The following LMNB1 variants were observed in gnomAD, a reference collection of about 807,000 sequenced individuals.
LMNB1 encodes the protein lamin-B1.
Under a neutral mutation model 67.1 loss-of-function variants are expected in LMNB1, and 23 were observed. The ratio of observed to expected loss-of-function variants is 0.34; its 90% CI spans 0.25 to 0.49. The LOEUF (loss-of-function observed/expected upper bound fraction) is 0.49. Among genes scored for constraint, LMNB1 ranks in the 20% least tolerant of loss-of-function variants. The pLI is 0.99. For synonymous variants in LMNB1, 281 were observed against 282.9 expected (o/e 0.99, Z 0.07); for missense variants, 634 against 746.5 (o/e 0.85, Z 1.76).
chr5:126,780,061 G>A (rs1324108594), intron 1 of LMNB1, among the ~76,000 whole-genome samples: 1 of 150,356 alleles, frequency 6.7e-6, no homozygotes, highest in Admixed American at 6.6e-5. Context: ...GCGTGGTGGC[G>A]GGCGTCTGTA....
At chr5:126,826,792 C>G (rs547003275) in intron 9 of LMNB1, among the ~76,000 whole-genome samples, 2 of 152,328 alleles carry the variant, frequency 1.3e-5, no homozygotes, top group South Asian at 4.1e-4. Flanking sequence ...ATCACCTTAT[C>G]CAGGTGCTGT....
chr5:126,794,901 G>T (rs1034704548), intron 1 of LMNB1, among the ~76,000 whole-genome samples: 3 of 152,110 alleles, frequency 2.0e-5, no homozygotes, highest in Admixed American at 6.5e-5. Flanking sequence ...TGAAATGTTA[G>T]GGATAGGTAC....
chr5:126,836,286 A>G lies in LMNB1; in HGVS notation c.*22A>G. ...GTAAAATTTTCAACTGTCTTCCTCA[A>G]AATAAAGAAGTATGGTAATCTTTAC... On this transcript the variant is annotated 3_prime_UTR_variant, in exon 11 of 11. Transcript: ENST00000261366. The G allele has an allele frequency of 6.4e-7, 1 of 1,556,018 alleles. No individual in the cohort carries two copies. The highest frequency in any genetic ancestry group is 1.1e-5 in the South Asian group (1 of 89,720).
In LMNB1 at chr5:126,777,873, T is replaced by C; in HGVS notation, c.359+6T>C. 1 of 1,389,746 alleles carries C rather than the reference T, an allele frequency of 7.2e-7. No homozygotes were observed. Among genetic ancestry groups the C allele is most frequent in the Non-Finnish European group, 9.3e-7 (1 of 1,072,436 alleles). 86.1% of individuals were successfully genotyped at this position (1,389,746 alleles called of 1,614,324 possible). A position where few individuals can be genotyped will look rare whatever the true frequency, so the allele number is the denominator to read the frequency against. ...CACGACCAGCTGCTCCTCAAGTGAG[T>C]GCTAGCTGGCGGCCGCGTTAGCGCC... is the stretch of plus-strand genomic sequence containing the variant. On this transcript the variant is annotated splice_donor_region_variant and intron_variant, in intron 1 of 10. Transcript: ENST00000261366.
chr5:126,828,598 A>G (rs932914564), intron 9 of LMNB1, among the ~76,000 whole-genome samples: 3 of 146,260 alleles, frequency 2.1e-5, no homozygotes, highest in African/African-American at 7.5e-5. Flanking sequence ...TTTTTTGGTG[A>G]AGGAGTTTCA....
intron 1 of LMNB1, among the ~76,000 whole-genome samples, chr5:126,778,189 C>T (rs1167283835): frequency 6.6e-6 from 1 of 152,038 alleles, no homozygotes; most frequent in Non-Finnish European, 1.5e-5. Context: ...TCCGGGGAGC[C>T]GGCGCGGAGA....
At chr5:126,806,186 C>T (rs1446868267) in intron 3 of LMNB1, among the ~76,000 whole-genome samples, 2 of 152,208 alleles carry the variant, frequency 1.3e-5, no homozygotes, top group South Asian at 2.1e-4. Context: ...ATCTCCTGAC[C>T]TCGTGATCCG....
intron 3 of LMNB1, 141 bp from the exon 4 acceptor site, chr5:126,810,039 A>C (rs1751545260): frequency 3.3e-6 from 2 of 608,150 alleles, no homozygotes; most frequent in African/African-American, 1.8e-5. Context: ...GAGGCAAAAA[A>C]GTGTTTATTC....
chr5:126,779,173 T>C (rs556293001), intron 1 of LMNB1, among the ~76,000 whole-genome samples: 1 of 152,206 alleles, frequency 6.6e-6, no homozygotes, highest in Non-Finnish European at 1.5e-5. Flanking sequence ...TTTTTACTTA[T>C]CCCTCCTATC....
At position 126,777,353 on chromosome 5, in the gene LMNB1, C is replaced by T. The variant is rs1750483183; in HGVS notation, c.-156C>T. 3 of 822,196 alleles carry T rather than the reference C, an allele frequency of 3.6e-6. No homozygotes were observed. The highest frequency in any genetic ancestry group is 4.9e-6 in the Non-Finnish European group (3 of 616,112). The allele number at this position is 822,196 out of a possible 1,614,324, so 50.9% of individuals were successfully genotyped here. A position where few individuals can be genotyped will look rare whatever the true frequency, so the allele number is the denominator to read the frequency against. On this transcript the variant is annotated 5_prime_UTR_variant, in exon 1 of 11. Coordinates refer to ENST00000261366, the MANE Select transcript of LMNB1 (RefSeq NM_005573.4). ...CTTTGTGCTGTAATCGAGCTCCCGC[C>T]ATCCCAGGTGCTTCTCCGTTCCTCT...
At chr5:126,832,846 C>T (rs548862090) in intron 10 of LMNB1, 45 bp downstream of exon 10, 104 of 1,284,388 alleles carry the variant, frequency 8.1e-5, no homozygotes, top group Non-Finnish European at 9.9e-5. Context: ...ATTTTATTCA[C>T]AGAATTACAT....
chr5:126,805,740 T>G, intron 3 of LMNB1, 44 bp downstream of exon 3: 1 of 1,401,864 alleles, frequency 7.1e-7, no homozygotes, highest in South Asian at 1.5e-5. Context: ...GGAGGGGTTC[T>G]AGAATGACTT....
chr5:126,780,270 A>T (rs1750595832), intron 1 of LMNB1, among the ~76,000 whole-genome samples: 1 of 152,206 alleles, frequency 6.6e-6, no homozygotes, highest in African/African-American at 2.4e-5. Context: ...GATTTTTTTA[A>T]AAAAATGAAT....
intron 4 of LMNB1, among the ~76,000 whole-genome samples, chr5:126,810,644 T>A (rs1751560597): frequency 6.6e-6 from 1 of 152,234 alleles, no homozygotes; most frequent in African/African-American, 2.4e-5. Context: ...CCAAACCATG[T>A]GAAATAACTT....
chr5:126,803,907 A>G (rs1019948055), intron 1 of LMNB1, among the ~76,000 whole-genome samples: 3 of 152,136 alleles, frequency 2.0e-5, no homozygotes, highest in Non-Finnish European at 4.4e-5. Context: ...TTTATGCAAA[A>G]TATTAGGGAG....
chr5:126,821,189 T>C (rs537434150), intron 7 of LMNB1, 54 bp downstream of exon 7: 228 of 1,183,444 alleles, frequency 1.9e-4, no homozygotes, highest in Non-Finnish European at 2.8e-4. Context: ...TGCTAGATTC[T>C]CTTGCAATTG....
chr5:126,831,149 T>G (rs1040472041), intron 9 of LMNB1, among the ~76,000 whole-genome samples: 1 of 152,220 alleles, frequency 6.6e-6, no homozygotes, highest in African/African-American at 2.4e-5. Context: ...TGACACTGGG[T>G]TTTGATTTTC....
intron 7 of LMNB1, among the ~76,000 whole-genome samples, chr5:126,822,179 A>C (rs1751886455): frequency 6.6e-6 from 1 of 152,058 alleles, no homozygotes; most frequent in Non-Finnish European, 1.5e-5. Flanking sequence ...ATTTTTACAC[A>C]GGGCTTCACC....
intron 1 of LMNB1, among the ~76,000 whole-genome samples, chr5:126,791,290 C>T (rs1049470582): frequency 3.2e-4 from 49 of 151,872 alleles, no homozygotes; most frequent in African/African-American, 1.2e-3. Flanking sequence ...AGATTTTCTC[C>T]TCTTTTATTA....
Sources: gnomAD v4.1 joint callset for allele counts (sites outside exome capture counted in the v4.1 genomes callset) on GRCh38, gnomAD v4.1.1 for gene constraint, MANE v1.5 for transcripts, NCBI Gene and HGNC (gene_info 2026-07-23, HGNC 2026-07-21) for gene names.